ZFHX3: variants seen among roughly 807,000 people sequenced by gnomAD.
The protein encoded by ZFHX3 is zinc finger homeobox protein 3.
ZFHX3 carries 42 observed loss-of-function variants against 279.1 expected under a neutral mutation model. The observed-to-expected ratio is 0.15, with a 90% CI of 0.12 to 0.19. The LOEUF (loss-of-function observed/expected upper bound fraction) is 0.19. ZFHX3 is among the 10% of genes least tolerant of loss of function. The probability of loss-of-function intolerance (pLI) is 1.00; values close to 1 mark genes in which losing one functional copy is unlikely to be tolerated. For synonymous variants in ZFHX3, 2,293 were observed against 1,957.8 expected, an observed-to-expected ratio of 1.17 and a Z score of -4.52; for missense variants, 4,981 against 4,754.0, an observed-to-expected ratio of 1.05 and a Z score of -1.40.
At chr16:72,865,321 T>G (rs1353491015) in intron 4 of ZFHX3, among the ~76,000 whole-genome samples, 1 of 152,160 alleles carries the variant, frequency 6.6e-6, no homozygotes, top group African/African-American at 2.4e-5. Context: ...CCCTCCAAGG[T>G]GCCATCCACT....
At chr16:73,624,519 A>T (rs919486533) in intron 2 of ZFHX3, among the ~76,000 whole-genome samples, 1 of 152,174 alleles carries the variant, frequency 6.6e-6, no homozygotes, top group African/African-American at 2.4e-5. Flanking sequence ...AGCAGCCCTA[A>T]GCTAGAACCA....
At chr16:73,058,436 G>A (rs1965616310) in intron 1 of ZFHX3, 2 of 183,204 alleles carry the variant, frequency 1.1e-5, no homozygotes, top group African/African-American at 2.4e-5. Flanking sequence ...GCGCCCCGAG[G>A]AGCCCCGCGT....
chr16:73,536,608 G>A (rs825838), intron 2 of ZFHX3, among the ~76,000 whole-genome samples: 74,518 of 151,976 alleles, frequency 0.49, 19,387 homozygotes, highest in Non-Finnish European at 0.58. Context: ...ATACACTTTC[G>A]ATTAAATAAG....
At chr16:72,909,572 C>A (rs1243623733) in intron 3 of ZFHX3, among the ~76,000 whole-genome samples, 1 of 152,094 alleles carries the variant, frequency 6.6e-6, no homozygotes, top group African/African-American at 2.4e-5. Flanking sequence ...AAGTTTCTTA[C>A]AATTTTTGAA....
chr16:73,503,173 G>A (rs976768899), intron 2 of ZFHX3, among the ~76,000 whole-genome samples: 4 of 152,150 alleles, frequency 2.6e-5, no homozygotes, highest in South Asian at 2.1e-4. Context: ...TTTCATCTCC[G>A]AGGTGTTTGT....
chr16:73,578,883 C>A (rs1429046317), intron 2 of ZFHX3, among the ~76,000 whole-genome samples: 3 of 152,104 alleles, frequency 2.0e-5, no homozygotes, highest in African/African-American at 4.8e-5. Context: ...AATTCTAAGG[C>A]CCCCAGTCAT....
intron 1 of ZFHX3, among the ~76,000 whole-genome samples, chr16:73,712,393 T>C (rs553036120): frequency 5.0e-4 from 76 of 152,266 alleles, no homozygotes; most frequent in Middle Eastern, 3.4e-3. Flanking sequence ...AACATCTCAA[T>C]TCAAACCCAG....
intron 2 of ZFHX3, among the ~76,000 whole-genome samples, chr16:73,519,291 G>T (rs1056961838): frequency 6.6e-6 from 1 of 151,680 alleles, no homozygotes; most frequent in African/African-American, 2.4e-5. Context: ...TTCTTCTTCA[G>T]TTATCTGGGA....
chr16:72,922,973 C>T (rs931059515), intron 3 of ZFHX3, among the ~76,000 whole-genome samples: 4 of 151,918 alleles, frequency 2.6e-5, no homozygotes, highest in African/African-American at 7.3e-5. Context: ...AAGGACTCGA[C>T]GAAATGATTA....
chr16:73,526,666 G>A (rs1284704098), intron 2 of ZFHX3, among the ~76,000 whole-genome samples: 1 of 152,188 alleles, frequency 6.6e-6, no homozygotes, highest in Non-Finnish European at 1.5e-5. Context: ...TCACATCTCA[G>A]AAGCAGCTTA....
intron 5 of ZFHX3, among the ~76,000 whole-genome samples, chr16:73,218,568 A>T (rs1219392589): frequency 6.6e-6 from 1 of 152,192 alleles, no homozygotes; most frequent in Non-Finnish European, 1.5e-5. Context: ...CAAGAGTTCG[A>T]GACCAGCCTG....
At chr16:73,291,956 G>A (rs778599382) in intron 4 of ZFHX3, among the ~76,000 whole-genome samples, 5 of 152,100 alleles carry the variant, frequency 3.3e-5, no homozygotes, top group Non-Finnish European at 2.9e-5. Flanking sequence ...TGTAGAAATG[G>A]TCTGGATAGA....
At chr16:72,850,683 G>A (rs1330592312) in intron 4 of ZFHX3, among the ~76,000 whole-genome samples, 24 of 152,156 alleles carry the variant, frequency 1.6e-4, no homozygotes, top group Admixed American at 1.6e-3. Flanking sequence ...GGGAGGAAAC[G>A]TGGAGGATGC....
At chr16:72,811,516 G>A (rs2036446360) in intron 7 of ZFHX3, 61 bp downstream of exon 7, 3 of 1,440,444 alleles carry the variant, frequency 2.1e-6, no homozygotes. Flanking sequence ...TCTTGCCCAT[G>A]TTACTGCATC....
chr16:73,078,024 C>G (rs374780841), intron 8 of ZFHX3, among the ~76,000 whole-genome samples: 1 of 152,116 alleles, frequency 6.6e-6, no homozygotes, highest in Non-Finnish European at 1.5e-5. Context: ...AGGCTGGTCT[C>G]GAACTCCTGA....
chr16:73,630,227 A>G (rs141081744), intron 2 of ZFHX3, among the ~76,000 whole-genome samples: 368 of 152,306 alleles, frequency 2.4e-3, no homozygotes, highest in African/African-American at 8.5e-3. Flanking sequence ...AAAGACAAAC[A>G]AACATCTCCA....
At chr16:73,458,311 T>C in intron 2 of ZFHX3, among the ~76,000 whole-genome samples, 2 of 144,634 alleles carry the variant, frequency 1.4e-5, no homozygotes, top group Admixed American at 7.0e-5. Flanking sequence ...CTTCTTTCCC[T>C]CCCTTCCTCC....
chr16:73,638,776 A>T (rs1254667388), intron 2 of ZFHX3, among the ~76,000 whole-genome samples: 1 of 152,196 alleles, frequency 6.6e-6, no homozygotes, highest in Non-Finnish European at 1.5e-5. Flanking sequence ...TATAAAAGGT[A>T]TTCAACAAAT....
intron 7 of ZFHX3, chr16:73,093,907 G>T (rs953700207): frequency 9.4e-6 from 2 of 212,966 alleles, no homozygotes; most frequent in African/African-American, 4.6e-5. Flanking sequence ...CTGGGGCGGT[G>T]GTGCAGACAG....
Sources: gnomAD v4.1 joint callset for allele counts (sites outside exome capture counted in the v4.1 genomes callset) on GRCh38, gnomAD v4.1.1 for gene constraint, MANE v1.5 for transcripts, NCBI Gene and HGNC (gene_info 2026-07-23, HGNC 2026-07-21) for gene names.